The following PDIA5 variants were observed in gnomAD, a reference collection of about 807,000 sequenced individuals.
The protein encoded by PDIA5 is protein disulfide isomerase family A member 5.
PDIA5 carries 58 observed loss-of-function variants against 77.6 expected under a neutral mutation model. The ratio of observed to expected loss-of-function variants is 0.75; its 90% confidence interval spans 0.61 to 0.93. PDIA5 has a LOEUF of 0.93. Ranked by LOEUF, PDIA5 falls within the 40% of genes least tolerant of loss-of-function variation. The pLI, the probability that PDIA5 is intolerant of heterozygous loss-of-function variation, is 0.00. For synonymous variants in PDIA5, 250 were observed against 252.1 expected, an observed-to-expected ratio of 0.99 and a Z score of 0.08; for missense variants, 630 against 647.7, an observed-to-expected ratio of 0.97 and a Z score of 0.30.
chr3:123,118,918 A>C (rs1021188073), intron 8 of PDIA5, among the ~76,000 whole-genome samples: 2 of 152,202 alleles, frequency 1.3e-5, no homozygotes, highest in Non-Finnish European at 2.9e-5. Flanking sequence ...TTTGTGGGAC[A>C]GGTTATAAGG....
intron 15 of PDIA5, 78 bp downstream of exon 15, chr3:123,155,119 C>G: frequency 9.9e-7 from 1 of 1,013,678 alleles, no homozygotes; most frequent in Non-Finnish European, 1.6e-6. Context: ...CAGGTCCTTC[C>G]CCAAACAGGG....
chr3:123,124,178 C>T, intron 9 of PDIA5, 21 bp downstream of exon 9: 1 of 1,601,492 alleles, frequency 6.2e-7, no homozygotes, highest in South Asian at 1.1e-5. Context: ...CACTTTCCTT[C>T]TAAAGCTCAC....
At chr3:123,120,589 C>T (rs993242540) in intron 8 of PDIA5, among the ~76,000 whole-genome samples, 1 of 152,252 alleles carries the variant, frequency 6.6e-6, no homozygotes, top group Non-Finnish European at 1.5e-5. Context: ...GACCACATCT[C>T]TGTCCATAGC....
Position 123,090,692 on chromosome 3 carries a change from G to A in PDIA5, c.169+1398G>A, listed in dbSNP as rs530243086. Among the ~76,000 whole-genome samples the A allele has an allele frequency of 2.6e-5, 4 of 152,332 alleles. No homozygotes were observed. The East Asian group carries it at 5.8e-4, about 22-fold the overall frequency. Reference sequence around the variant, plus strand: ...TGAGATCAGGTTGGGGCTGAGGCCGGAAAATCATTATGGGAAGTTAGAGAG... The same window carrying A: ...TGAGATCAGGTTGGGGCTGAGGCCGAAAAATCATTATGGGAAGTTAGAGAG... On this transcript the variant is annotated intron_variant, in intron 2 of 16. Coordinates refer to ENST00000316218, the MANE Select transcript of PDIA5 (RefSeq NM_006810.4).
chr3:123,106,809 G>T lies in PDIA5; in HGVS notation c.448G>T (p.Ala150Ser). The change falls in exon 6 of 17, where the codon GCC (alanine) becomes TCC (serine). Residue 150 changes from alanine (A) to serine (S), a missense_variant. Transcript: ENST00000316218. Reference sequence around the variant, plus strand: ...CCCACTGTGGGAGGAAGATCCTGGAGCCAAAGATGTTGTCCACCTTGACAG... The same window carrying T: ...CCCACTGTGGGAGGAAGATCCTGGATCCAAAGATGTTGTCCACCTTGACAG... ...GPPLWEEDPGAKDVVHLDSEK... is the reference protein window; with the variant it reads ...GPPLWEEDPGSKDVVHLDSEK... The T allele has an allele frequency of 6.2e-7, 1 of 1,612,544 alleles. No individual in the cohort carries two copies. The highest frequency in any genetic ancestry group is 1.1e-5 in the South Asian group (1 of 91,014).
In PDIA5 at chr3:123,067,028, C is replaced by T. The variant is rs1933580552; in HGVS notation, c.-137C>T. ...CAGCTGCTGCGCATGCTTTGGCAGACGTGGCACCGGGAACTCGGAGGCGGG... is the reference window on the plus strand; with the variant it reads ...CAGCTGCTGCGCATGCTTTGGCAGATGTGGCACCGGGAACTCGGAGGCGGG... On this transcript the variant is annotated 5_prime_UTR_variant, in exon 1 of 17. It adds an upstream start codon to the 5' untranslated region. Coordinates refer to ENST00000316218, the MANE Select transcript of PDIA5 (RefSeq NM_006810.4). 4 of 657,210 alleles carry T rather than the reference C, an allele frequency of 6.1e-6. No homozygotes were observed. Among genetic ancestry groups the T allele is most frequent in the South Asian group, 7.7e-5 (1 of 12,928 alleles). 40.7% of individuals were successfully genotyped at this position (657,210 alleles called of 1,614,324 possible).
intron 7 of PDIA5, among the ~76,000 whole-genome samples, chr3:123,111,282 C>T (rs1220578537): frequency 2.0e-5 from 3 of 152,226 alleles, no homozygotes; most frequent in African/African-American, 7.2e-5. Flanking sequence ...GCTCCACCTT[C>T]CCCCACCATG....
At chr3:123,068,840 G>C (rs963581314) in intron 1 of PDIA5, among the ~76,000 whole-genome samples, 1 of 152,184 alleles carries the variant, frequency 6.6e-6, no homozygotes, top group Admixed American at 6.5e-5. Flanking sequence ...CAAGTGCTGT[G>C]ACCTTAAGTA....
At chr3:123,072,058 G>T (rs993121949) in intron 1 of PDIA5, among the ~76,000 whole-genome samples, 2 of 147,280 alleles carry the variant, frequency 1.4e-5, no homozygotes, top group Non-Finnish European at 3.0e-5. Flanking sequence ...GTAGGTAATG[G>T]AGAGACTTGA....
At chr3:123,137,654 T>C (rs1444292246) in intron 11 of PDIA5, among the ~76,000 whole-genome samples, 1 of 152,172 alleles carries the variant, frequency 6.6e-6, no homozygotes, top group Non-Finnish European at 1.5e-5. Flanking sequence ...TTAATTATTC[T>C]CATTTTATAA....
At chr3:123,095,124 G>A (rs1001479039) in intron 3 of PDIA5, among the ~76,000 whole-genome samples, 3 of 152,170 alleles carry the variant, frequency 2.0e-5, no homozygotes, top group African/African-American at 7.2e-5. Flanking sequence ...CGGGCAAGTC[G>A]GTCACTCTGA....
intron 11 of PDIA5, chr3:123,144,800 A>G (rs1935722962): frequency 6.6e-6 from 1 of 152,182 alleles, no homozygotes; most frequent in African/African-American, 2.4e-5. Flanking sequence ...AAGCAGGAGA[A>G]TGGCATGAAC....
chr3:123,161,825 A>G (rs943002388), intron 16 of PDIA5, 55 bp from the exon 17 acceptor site: 1 of 1,156,100 alleles, frequency 8.6e-7, no homozygotes, highest in Non-Finnish European at 1.3e-6. Context: ...GAGAGTGCAC[A>G]GCCAGCTCAG....
intron 11 of PDIA5, among the ~76,000 whole-genome samples, chr3:123,140,972 C>A (rs568733740): frequency 6.6e-6 from 1 of 152,252 alleles, no homozygotes; most frequent in Admixed American, 6.5e-5. Context: ...TGTCTCAGGC[C>A]CACCGCTGAT....
chr3:123,094,484 C>T (rs1406123543), intron 3 of PDIA5, among the ~76,000 whole-genome samples: 1 of 152,240 alleles, frequency 6.6e-6, no homozygotes, highest in Non-Finnish European at 1.5e-5. Flanking sequence ...CCAGCTCCTG[C>T]CCTCCAGTTC....
At chr3:123,130,347 T>G in intron 10 of PDIA5, 133 bp from the exon 11 acceptor site, 1 of 945,190 alleles carries the variant, frequency 1.1e-6, no homozygotes, top group Non-Finnish European at 1.6e-6. Context: ...CAGTTTCTGG[T>G]TTGTTAAAGG....
intron 10 of PDIA5, among the ~76,000 whole-genome samples, chr3:123,130,031 T>C (rs1296842405): frequency 6.6e-6 from 1 of 152,344 alleles, no homozygotes; most frequent in South Asian, 2.1e-4. Context: ...CCCTCCTCTC[T>C]GTACCCTCTT....
intron 5 of PDIA5, among the ~76,000 whole-genome samples, chr3:123,105,760 CA>C (rs1934712801): frequency 6.7e-6 from 1 of 149,994 alleles, no homozygotes. Flanking sequence ...CACACACACA[CA>C]CATACACTCT....
chr3:123,082,199 C>T (rs147396823), intron 1 of PDIA5, among the ~76,000 whole-genome samples: 58 of 152,212 alleles, frequency 3.8e-4, no homozygotes, highest in East Asian at 1.2e-3. Flanking sequence ...CTGGTTGCTT[C>T]GGTAGGCCCT....
Sources: allele counts gnomAD v4.1 joint callset (sites outside exome capture counted in the v4.1 genomes callset), GRCh38; gene constraint gnomAD v4.1.1; transcripts MANE v1.5; gene names NCBI Gene and HGNC (gene_info 2026-07-23, HGNC 2026-07-21).